Variants in PDZD2 observed in about 807,000 individuals in gnomAD.
The protein encoded by PDZD2 is PDZ domain-containing protein 2.
Under a neutral mutation model 220.7 loss-of-function variants are expected in PDZD2, and 90 were observed. The observed-to-expected ratio is 0.41, with a 90% CI of 0.34 to 0.49. The LOEUF (loss-of-function observed/expected upper bound fraction) is 0.49, where lower values mean the gene tolerates loss of function less well. PDZD2 is among the 20% of genes least tolerant of loss of function. The pLI is 0.28. For synonymous variants in PDZD2, 1,375 were observed against 1,450.5 expected (o/e 0.95, Z 1.18); for missense variants, 3,174 against 3,608.5 (o/e 0.88, Z 3.08).
At chr5:31,662,358 A>G (rs1745802065) in intron 1 of PDZD2, among the ~76,000 whole-genome samples, 1 of 152,178 alleles carries the variant, frequency 6.6e-6, no homozygotes, top group Admixed American at 6.5e-5. Context: ...TTTATCTGTA[A>G]AAGAAGAAAA....
chr5:31,757,559 T>G (rs1751368960), intron 1 of PDZD2, among the ~76,000 whole-genome samples: 1 of 150,252 alleles, frequency 6.7e-6, no homozygotes, highest in Non-Finnish European at 1.5e-5. Flanking sequence ...GCCAGTGCAC[T>G]CCAGCCTGGG....
intron 1 of PDZD2, among the ~76,000 whole-genome samples, chr5:31,691,108 C>T (rs550392236): frequency 5.9e-5 from 9 of 152,272 alleles, no homozygotes; most frequent in South Asian, 2.1e-4. Context: ...TTAAAGTTGG[C>T]ATGTCCTGAG....
rs1187999854 is a variant in PDZD2 at position 32,109,805 on chromosome 5, C to T, written c.*1670C>T. 2 of 152,608 alleles carry T rather than the reference C, an allele frequency of 1.3e-5. No homozygotes were observed. The highest frequency in any genetic ancestry group is 2.9e-5 in the Non-Finnish European group (2 of 68,052). 9.5% of individuals were successfully genotyped at this position (152,608 alleles called of 1,614,324 possible). A position where few individuals can be genotyped will look rare whatever the true frequency, so the allele number is the denominator to read the frequency against. On this transcript the variant is annotated 3_prime_UTR_variant, in exon 25 of 25. Transcript: ENST00000438447. ...TTTAGCCATCAGCTTTGTACATCAT[C>T]ATTTTTCTGAATGACCAATCCCACT...
chr5:31,738,925 G>A (rs915132180), intron 1 of PDZD2, among the ~76,000 whole-genome samples: 37 of 150,696 alleles, frequency 2.5e-4, no homozygotes, highest in Admixed American at 7.3e-4. Context: ...TTGCTCTGTC[G>A]CTCAGGCTGG....
At chr5:31,983,034 C>G in intron 2 of PDZD2, 121 bp from the exon 3 acceptor site, 1 of 914,782 alleles carries the variant, frequency 1.1e-6, no homozygotes, top group Non-Finnish European at 1.7e-6. Context: ...TTAGGAAGCT[C>G]AATACCTCAG....
chr5:31,885,475 A>G (rs896089547), intron 2 of PDZD2, among the ~76,000 whole-genome samples: 1 of 152,202 alleles, frequency 6.6e-6, no homozygotes, highest in African/African-American at 2.4e-5. Flanking sequence ...CTGAACACAT[A>G]TTCACTCCAG....
Position 32,110,265 on chromosome 5 carries a change from G to GTCTT in PDZD2, c.*2132_*2135dup, listed in dbSNP as rs1217174115. The GTCTT allele has an allele frequency of 1.3e-5, 2 of 152,666 alleles. No individual in the cohort carries two copies. The highest frequency in any genetic ancestry group is 2.9e-5 in the Non-Finnish European group (2 of 68,052). 9.5% of individuals were successfully genotyped at this position (152,666 alleles called of 1,614,324 possible). Reference sequence around the variant, plus strand: ...CAAATGGAATGGTCTCCTTCCGCAAGTCTTTTTAATCCTCATATCTGGAGT... The same window carrying GTCTT: ...CAAATGGAATGGTCTCCTTCCGCAAGTCTTTCTTTTTAATCCTCATATCTGGAGT... On this transcript the variant is annotated 3_prime_UTR_variant, in exon 25 of 25. Coordinates refer to ENST00000438447, the MANE Select transcript of PDZD2 (RefSeq NM_178140.4).
At chr5:31,745,947 G>C (rs543796027) in intron 1 of PDZD2, among the ~76,000 whole-genome samples, 1 of 151,944 alleles carries the variant, frequency 6.6e-6, no homozygotes, top group African/African-American at 2.4e-5. Context: ...ATAACCTAGC[G>C]AAACTTGATC....
At chr5:31,823,060 A>T in intron 2 of PDZD2, 1 of 1,057,656 alleles carries the variant, frequency 9.5e-7, no homozygotes, top group Non-Finnish European at 1.4e-6. Flanking sequence ...GCCCTTCACA[A>T]TAACTGTGCA....
chr5:31,691,109 A>G (rs389597), intron 1 of PDZD2, among the ~76,000 whole-genome samples: 120,974 of 152,134 alleles, frequency 0.8, 48,973 homozygotes, highest in African/African-American at 0.95. Context: ...TAAAGTTGGC[A>G]TGTCCTGAGT....
At chr5:32,026,673 C>T (rs1051169114) in intron 6 of PDZD2, among the ~76,000 whole-genome samples, 1 of 152,184 alleles carries the variant, frequency 6.6e-6, no homozygotes, top group Non-Finnish European at 1.5e-5. Flanking sequence ...TGAGAAATGA[C>T]CCAAGGGTCT....
chr5:32,068,156 C>T lies in PDZD2; in HGVS notation c.2452-1413C>T, dbSNP rs539673572. 6.6e-5 allele frequency among the ~76,000 whole-genome samples: 10 copies of T among 151,602 alleles called. No homozygotes were observed. The East Asian group carries it at 1.3e-3, about 20-fold the overall frequency. ...ACTTTTTCTGCCAAAAAAAAAAATGCGTAATCTGAATCTAAGCATGAGGAA... is the reference window on the plus strand; with the variant it reads ...ACTTTTTCTGCCAAAAAAAAAAATGTGTAATCTGAATCTAAGCATGAGGAA... On this transcript the variant is annotated intron_variant, in intron 14 of 24. Coordinates refer to ENST00000438447, the MANE Select transcript of PDZD2 (RefSeq NM_178140.4).
chr5:32,029,560 C>T (rs956029243), intron 6 of PDZD2, among the ~76,000 whole-genome samples: 7 of 151,988 alleles, frequency 4.6e-5, no homozygotes, highest in Admixed American at 2.0e-4. Context: ...GACACAGGCT[C>T]GGGGGTGTGC....
rs182502832 is a variant in PDZD2 at position 31,879,040 on chromosome 5, C to T, written c.476+79316C>T. Among the ~76,000 whole-genome samples, 347 of 151,946 alleles carry T rather than the reference C, an allele frequency of 2.3e-3. 3 individuals are homozygous for T. Among genetic ancestry groups the T allele is most frequent in the African/African-American group, 7.9e-3 (327 of 41,462 alleles). On this transcript the variant is annotated intron_variant, in intron 2 of 24. Coordinates refer to ENST00000438447, the MANE Select transcript of PDZD2 (RefSeq NM_178140.4). ...TGGTCATTCACTGGGGGTGGCCACC[C>T]GTTTATATTCTAATTACTGTCAGTG...
chr5:31,684,558 G>C (rs1439127725), intron 1 of PDZD2, among the ~76,000 whole-genome samples: 1 of 114,844 alleles, frequency 8.7e-6, no homozygotes, highest in Non-Finnish European at 1.9e-5. Flanking sequence ...ATAGTAGCTA[G>C]AGCAGTTTTT....
Position 32,053,888 on chromosome 5 carries a change from G to C in PDZD2, c.1900+5G>C, listed in dbSNP as rs779067888. On this transcript the variant is annotated splice_donor_5th_base_variant and intron_variant, in intron 10 of 24. Transcript: ENST00000438447. ...AGGACGGAAGACTTAAAGAAGGTAG[G>C]GGAAAGCCTCTTGTATCCTCAGTGA... is the stretch of plus-strand genomic sequence containing the variant. The C allele has an allele frequency of 2.7e-6, 4 of 1,504,354 alleles. No homozygotes were observed. The South Asian group carries it at 4.5e-5, about 17-fold the overall frequency. The allele number at this position is 1,504,354 out of a possible 1,614,324, so 93.2% of individuals were successfully genotyped here.
chr5:32,074,396 G>C lies in PDZD2; in HGVS notation c.3290G>C (p.Ser1097Thr). Residue 1097 changes from serine to threonine, a missense_variant, in exon 18 of 25, where the codon AGT (serine) becomes ACT (threonine). Coordinates refer to ENST00000438447, the MANE Select transcript of PDZD2 (RefSeq NM_178140.4). ...LEYTVRTDTQ[S>T]PTNTGSPSSP... ...TACACAGTCCGTACAGACACCCAGA[G>C]TCCGACGAACACTGGGAGCCCCAGT... 1.2e-6 allele frequency: 2 copies of C among 1,614,206 alleles called. No homozygotes were observed. Among genetic ancestry groups the C allele is most frequent in the South Asian group, 1.1e-5 (1 of 91,086 alleles).
intron 7 of PDZD2, among the ~76,000 whole-genome samples, chr5:32,042,407 C>CAA (rs546222216): frequency 2.1e-5 from 2 of 95,446 alleles, no homozygotes; most frequent in African/African-American, 3.7e-5. Context: ...ACTAAAAATA[C>CAA]AAAAAAAAAA....
chr5:31,872,905 T>A (rs1472556284), intron 2 of PDZD2, among the ~76,000 whole-genome samples: 1 of 152,196 alleles, frequency 6.6e-6, no homozygotes. Flanking sequence ...TAATGGCACT[T>A]GATATTGGCG....
Sources: gnomAD v4.1 joint callset for allele counts (sites outside exome capture counted in the v4.1 genomes callset) on GRCh38, gnomAD v4.1.1 for gene constraint, MANE v1.5 for transcripts, NCBI Gene and HGNC (gene_info 2026-07-23, HGNC 2026-07-21) for gene names.